The following PDE12 variants were observed in gnomAD, a reference collection of about 807,000 sequenced individuals.
PDE12 encodes 2',5'-phosphodiesterase 12.
In PDE12, 26 loss-of-function variants were observed where a neutral mutation model predicts 45.4. That is an observed-to-expected ratio of 0.57 (90% CI 0.42 to 0.79). PDE12 has a LOEUF of 0.79. Among genes scored for constraint, PDE12 ranks in the 30% least tolerant of loss-of-function variants. PDE12 has a pLI of 0.00. For missense variants in PDE12, 668 were observed against 790.0 expected (o/e 0.85, Z 1.85); for synonymous variants, 283 against 323.9 (o/e 0.87, Z 1.36).
At chr3:57,584,406 T>C in the PDE12 span, 2 of 1,612,950 alleles carry the variant, frequency 1.2e-6, no homozygotes, top group Admixed American at 1.7e-5. Flanking sequence ...TGGTGGTGAC[T>C]ATCTCCCCTA....
chr3:57,557,282 C>T lies in PDE12; in HGVS notation c.903C>T (p.Asn301=), dbSNP rs778352329. The T allele has an allele frequency of 6.2e-7, 1 of 1,614,010 alleles. No homozygotes were observed. Among genetic ancestry groups the T allele is most frequent in the Non-Finnish European group, 8.5e-7 (1 of 1,180,030 alleles). The change falls in exon 1 of 3, where the codon AAC becomes AAT. Residue 301 remains asparagine, a synonymous_variant. Coordinates refer to ENST00000311180, the MANE Select transcript of PDE12 (RefSeq NM_177966.7). ...CTCTCATCCGCACTGTCTCTTACAA[C>T]ATCCTGGCAGACACGTACGCGCAGA... The part of the protein sequence containing the change: ...EDALIRTVSY[N]ILADTYAQTE...
At chr3:57,638,434 G>T in the PDE12 span, among the ~76,000 whole-genome samples, 1 of 151,742 alleles carries the variant, frequency 6.6e-6, no homozygotes, top group Non-Finnish European at 1.5e-5. Flanking sequence ...AAGGCGGGTG[G>T]ATCACCTGAG....
At chr3:57,592,478 A>T in the PDE12 span, among the ~76,000 whole-genome samples, 1 of 151,956 alleles carries the variant, frequency 6.6e-6, no homozygotes, top group Non-Finnish European at 1.5e-5. Context: ...ACACAGTGAG[A>T]CTCCATCTCA....
the PDE12 span, among the ~76,000 whole-genome samples, chr3:57,615,537 T>C: frequency 6.6e-6 from 1 of 152,096 alleles, no homozygotes; most frequent in Non-Finnish European, 1.5e-5. Flanking sequence ...AAGAAAAATA[T>C]AGGCCAGGCG....
At chr3:57,575,458 TAATA>T in the PDE12 span, 6 of 1,297,672 alleles carry the variant, frequency 4.6e-6, no homozygotes, top group South Asian at 7.0e-5. Context: ...CCAAAGGAGA[TAATA>T]AATGTTTAAA....
At chr3:57,597,067 C>T in the PDE12 span, 1 of 1,613,822 alleles carries the variant, frequency 6.2e-7, no homozygotes, top group Non-Finnish European at 8.5e-7. Context: ...CGCAGCCCCT[C>T]ACTCACCCAT....
the PDE12 span, among the ~76,000 whole-genome samples, chr3:57,607,240 G>A: frequency 1.3e-5 from 2 of 152,114 alleles, no homozygotes; most frequent in African/African-American, 2.4e-5. Flanking sequence ...AACCCCACCT[G>A]TACATCACCA....
At chr3:57,630,662 T>C in the PDE12 span, 1 of 1,568,240 alleles carries the variant, frequency 6.4e-7, no homozygotes, top group Non-Finnish European at 8.6e-7. Context: ...CTTTTTGTTT[T>C]GCTTTTAAAT....
At chr3:57,574,457 G>A in the PDE12 span, among the ~76,000 whole-genome samples, 9 of 148,942 alleles carry the variant, frequency 6.0e-5, no homozygotes, top group African/African-American at 2.2e-4. Context: ...CACCCAGGCT[G>A]GGGTGCAATG....
Position 57,561,723 on chromosome 3 carries a change from A to C in PDE12, c.*1719A>C, listed in dbSNP as rs1239545090. On this transcript the variant is annotated 3_prime_UTR_variant, in exon 3 of 3. Coordinates refer to ENST00000311180, the MANE Select transcript of PDE12 (RefSeq NM_177966.7). ...TGAAAGCCCTTGTTTCAAATTCTTT[A>C]ATCTCTGAACCTAGTATCATAAGAA... 8.1e-6 allele frequency: 8 copies of C among 984,918 alleles called. No homozygotes were observed. The highest frequency in any genetic ancestry group is 1.7e-5 in the African/African-American group (1 of 57,228). 61.0% of individuals were successfully genotyped at this position (984,918 alleles called of 1,614,324 possible).
At chr3:57,607,888 G>A in the PDE12 span, among the ~76,000 whole-genome samples, 3 of 152,000 alleles carry the variant, frequency 2.0e-5, no homozygotes, top group Admixed American at 6.6e-5. Flanking sequence ...TACACAGAAC[G>A]CCACAAAGAT....
chr3:57,588,931 C>T, the PDE12 span, among the ~76,000 whole-genome samples: 1 of 152,044 alleles, frequency 6.6e-6, no homozygotes, highest in African/African-American at 2.4e-5. Flanking sequence ...GGAGAAAGCC[C>T]GTCTCTACTA....
At chr3:57,640,808 T>C in the PDE12 span, among the ~76,000 whole-genome samples, 1 of 152,260 alleles carries the variant, frequency 6.6e-6, no homozygotes, top group South Asian at 2.1e-4. Flanking sequence ...AAAAATTTTC[T>C]CATATCTTCT....
the PDE12 span, among the ~76,000 whole-genome samples, chr3:57,611,897 A>G: frequency 6.6e-6 from 1 of 152,202 alleles, no homozygotes; most frequent in Non-Finnish European, 1.5e-5. Flanking sequence ...ATATACCCAA[A>G]GGATTATAAA....
chr3:57,628,595 T>C, the PDE12 span, among the ~76,000 whole-genome samples: 20 of 152,258 alleles, frequency 1.3e-4, no homozygotes, highest in Admixed American at 7.8e-4. Context: ...TAGAGCTTAT[T>C]AGATTCTATA....
chr3:57,620,258 C>T, the PDE12 span, among the ~76,000 whole-genome samples: 3 of 151,600 alleles, frequency 2.0e-5, no homozygotes, highest in Admixed American at 2.0e-4. Flanking sequence ...CTTTTAAGAT[C>T]AGAAACAAAG....
chr3:57,642,174 C>G, the PDE12 span, among the ~76,000 whole-genome samples: 3 of 151,742 alleles, frequency 2.0e-5, no homozygotes, highest in Non-Finnish European at 4.4e-5. Context: ...ATTAGCTGGG[C>G]GTACTGGTGG....
the PDE12 span, among the ~76,000 whole-genome samples, chr3:57,598,782 AAAAC>A: frequency 5.3e-5 from 8 of 152,172 alleles, no homozygotes; most frequent in Non-Finnish European, 8.8e-5. Flanking sequence ...CTGTCTTAAA[AAAAC>A]AAACAACAAC....
Position 57,561,709 on chromosome 3 carries a change from G to C in PDE12, c.*1705G>C, listed in dbSNP as rs2069730723. 1.0e-6 allele frequency: 1 copy of C among 984,898 alleles called. No individual in the cohort carries two copies. The highest frequency in any genetic ancestry group is 4.7e-5 in the South Asian group (1 of 21,284). 61.0% of individuals were successfully genotyped at this position (984,898 alleles called of 1,614,324 possible). The stretch of plus-strand genomic sequence containing the variant: ...ATTTTCCCCAGTCATGAAAGCCCTT[G>C]TTTCAAATTCTTTAATCTCTGAACC... On this transcript the variant is annotated 3_prime_UTR_variant, in exon 3 of 3. Transcript: ENST00000311180.
Sources: gnomAD v4.1 joint callset for allele counts (sites outside exome capture counted in the v4.1 genomes callset) on GRCh38, gnomAD v4.1.1 for gene constraint, MANE v1.5 for transcripts, NCBI Gene and HGNC (gene_info 2026-07-23, HGNC 2026-07-21) for gene names.